The following RBM4 variants were observed in gnomAD, a reference collection of about 807,000 sequenced individuals.
RBM4 encodes RNA binding motif protein 4, also known as RNA-binding protein 4.
A neutral mutation model predicts 29.5 loss-of-function variants in RBM4; 7 were observed. The observed-to-expected ratio is 0.24, with a 90% CI of 0.14 to 0.45. The LOEUF (loss-of-function observed/expected upper bound fraction) is 0.45. RBM4 is among the 20% of genes least tolerant of loss of function. The pLI, the probability that RBM4 is intolerant of heterozygous loss-of-function variation, is 1.00. For missense variants in RBM4, 387 were observed against 502.3 expected, an observed-to-expected ratio of 0.77 and a Z score of 2.19; for synonymous variants, 220 against 205.4, an observed-to-expected ratio of 1.07 and a Z score of -0.61.
intron 2 of RBM4, among the ~76,000 whole-genome samples, chr11:66,655,545 G>T (rs950435696): frequency 1.3e-5 from 2 of 152,208 alleles, no homozygotes; most frequent in Admixed American, 1.3e-4. Flanking sequence ...CTCCCAAAGT[G>T]CTGGGATTAT....
chr11:66,665,735 AC>A, intron 2 of RBM4: 1 of 1,351,862 alleles, frequency 7.4e-7, no homozygotes, highest in Non-Finnish European at 1.0e-6. Flanking sequence ...CCATGTAATT[AC>A]CTAGGAGTCT....
rs879864658 is a variant in RBM4, at chr11:66,655,977, C to CT, written c.413-9868dup. 3.0e-4 allele frequency among the ~76,000 whole-genome samples: 43 copies of CT among 145,576 alleles called. No individual in the cohort carries two copies. The East Asian group carries it at 3.2e-3, about 11-fold the overall frequency. Reference sequence around the variant, plus strand: ...CAGGAAGAGACGGCCCTGAAGTATTCTTTTTTTTTTTAGATGGAGTTTTGC... The same window carrying CT: ...CAGGAAGAGACGGCCCTGAAGTATTCTTTTTTTTTTTTAGATGGAGTTTTGC... On this transcript the variant is annotated intron_variant, in intron 2 of 2. Transcript: ENST00000396053.
downstream of RBM4, among the ~76,000 whole-genome samples, chr11:66,648,976 C>T (rs1346588127): frequency 1.3e-5 from 2 of 150,338 alleles, no homozygotes; most frequent in African/African-American, 2.5e-5. Flanking sequence ...GATGCTTTTG[C>T]ATTTTCTCTT....
At chr11:66,662,906 A>G (rs1327907308) in intron 2 of RBM4, among the ~76,000 whole-genome samples, 1 of 152,190 alleles carries the variant, frequency 6.6e-6, no homozygotes. Context: ...TGACGCTAAC[A>G]TGAGCCTTAT....
rs868462377 is a variant in RBM4 at position 66,643,145 on chromosome 11, C to G, written c.413-305C>G. Among the ~76,000 whole-genome samples, 1 of 152,072 alleles carries G rather than the reference C, an allele frequency of 6.6e-6. No homozygotes were observed. Among genetic ancestry groups the G allele is most frequent in the Non-Finnish European group, 1.5e-5 (1 of 68,014 alleles). ...ACTTTGACTTCTTTTGACTTTGAGCCGCTGTTTGGAGATGATTTTTACCTG... is the reference window on the plus strand; with the variant it reads ...ACTTTGACTTCTTTTGACTTTGAGCGGCTGTTTGGAGATGATTTTTACCTG... On this transcript the variant is annotated intron_variant, in intron 2 of 3. Coordinates refer to ENST00000310092, the MANE Select transcript of RBM4 (RefSeq NM_002896.4). This position sits in a 1 kb window ranked among gnomAD's most constrained non-coding sequence, Gnocchi z 6.1.
chr11:66,642,171 C>T (rs866804234), intron 2 of RBM4, among the ~76,000 whole-genome samples: 2 of 152,154 alleles, frequency 1.3e-5, no homozygotes, highest in Non-Finnish European at 2.9e-5. Flanking sequence ...CCCCGTTTCC[C>T]TATTGTGTTT....
In RBM4 at chr11:66,664,325, T is replaced by G. The variant is rs187261968; in HGVS notation, c.413-1531T>G. Among the ~76,000 whole-genome samples the G allele has an allele frequency of 4.0e-3, 602 of 151,490 alleles. 5 individuals are homozygous for G. The highest frequency in any genetic ancestry group is 0.014 in the African/African-American group (579 of 41,226). ...CCACCACGCCTGGCTAATTTTTGTA[T>G]TTTTAGTAGGGACAGGGTTTCGCCA... On this transcript the variant is annotated intron_variant, in intron 2 of 2. Coordinates refer to the RBM4 transcript ENST00000396053.
At chr11:66,665,872 G>A (rs1472924118) in exon 3 of RBM4, 6 of 1,533,558 alleles carry the variant, frequency 3.9e-6, no homozygotes, top group Non-Finnish European at 5.2e-6. Context: ...TAACCCCTGT[G>A]ACAGAAGGCT....
At position 66,644,950 on chromosome 11, in the gene RBM4, A is replaced by G. The variant is rs886435359; in HGVS notation, c.*8+810A>G. Among the ~76,000 whole-genome samples, 3 of 150,330 alleles carry G rather than the reference A, an allele frequency of 2.0e-5. No individual in the cohort carries two copies. In the East Asian group the frequency reaches 5.8e-4, roughly 29 times the overall value. On this transcript the variant is annotated intron_variant, in intron 3 of 3. Transcript: ENST00000310092. ...GGGTTTTTTTTTTTTTTAAGTAACTATTCCCACAGTTCTAGTTTTGACATC... is the reference window on the plus strand; with the variant it reads ...GGGTTTTTTTTTTTTTTAAGTAACTGTTCCCACAGTTCTAGTTTTGACATC...
Position 66,665,645 on chromosome 11 carries a change from C to T in RBM4, c.413-211C>T, listed in dbSNP as rs903121015. The stretch of plus-strand genomic sequence containing the variant: ...AGAGCAGCCTGGCTCCGCGTACAAG[C>T]GCCCTGGGTCCTGTCCTGTATTCCG... On this transcript the variant is annotated intron_variant, in intron 2 of 2. Transcript: ENST00000396053. 1.2e-5 allele frequency: 18 copies of T among 1,534,546 alleles called. 1 individual carries two copies. In the East Asian group the frequency reaches 1.5e-4, roughly 13 times the overall value.
chr11:66,666,084 T>A lies in RBM4; in HGVS notation c.*119T>A, dbSNP rs1939222241. 24 of 942,022 alleles carry A rather than the reference T, an allele frequency of 2.5e-5. No homozygotes were observed. The East Asian group carries it at 6.4e-4, about 25-fold the overall frequency. 58.4% of individuals were successfully genotyped at this position (942,022 alleles called of 1,614,324 possible). A position where few individuals can be genotyped will look rare whatever the true frequency, so the allele number is the denominator to read the frequency against. The stretch of plus-strand genomic sequence containing the variant: ...AGGATATCAAGGAGCAGCCAGTCAT[T>A]CACCCAATTCCAACACACCTACATG... On this transcript the variant is annotated 3_prime_UTR_variant, in exon 3 of 3. Coordinates refer to the RBM4 transcript ENST00000396053.
In RBM4 at chr11:66,665,910, AC is replaced by A. The variant is rs1285873194; in HGVS notation, c.468del (p.Tyr156Ter). Reference sequence around the variant, plus strand: ...TGTTGCTGTAACAAAGGGCATACATACATTTTCAAGAACTGCAATTTAATTT... The same window carrying A: ...TGTTGCTGTAACAAAGGGCATACATAATTTTCAAGAACTGCAATTTAATTT... On this transcript the variant is annotated frameshift_variant, in exon 3 of 3. Coordinates refer to the RBM4 transcript ENST00000396053. LOFTEE classifies it low-confidence loss of function (END_TRUNC). 1.3e-6 allele frequency: 2 copies of A among 1,535,500 alleles called. No individual in the cohort carries two copies. The highest frequency in any genetic ancestry group is 2.4e-5 in the South Asian group (2 of 83,978).
At chr11:66,649,224 A>C (rs964301762), downstream of RBM4, among the ~76,000 whole-genome samples, 1 of 152,126 alleles carries the variant, frequency 6.6e-6, no homozygotes, top group African/African-American at 2.4e-5. Flanking sequence ...AGCTGGTCTC[A>C]AACTCCTGGA....
chr11:66,653,362 A>ATT (rs71045956), intron 2 of RBM4, among the ~76,000 whole-genome samples: 8,986 of 135,814 alleles, frequency 0.066, 411 homozygotes, highest in East Asian at 0.11. Context: ...CTACTTAATG[A>ATT]TTTTTTTTTT....
chr11:66,644,441 A>ATTGAACC (rs1433100020), intron 3 of RBM4: 2 of 274,092 alleles, frequency 7.3e-6, no homozygotes, highest in Admixed American at 9.8e-5. Context: ...CTATACTATA[A>ATTGAACC]TTGAACCTTA....
At chr11:66,660,656 T>C (rs986737125) in intron 2 of RBM4, among the ~76,000 whole-genome samples, 3 of 150,502 alleles carry the variant, frequency 2.0e-5, no homozygotes, top group African/African-American at 7.3e-5. Context: ...AAACTTTTTT[T>C]TTTTTTTTTT....
exon 3 of RBM4, chr11:66,666,128 A>G: frequency 1.3e-6 from 1 of 771,334 alleles, no homozygotes; most frequent in Non-Finnish European, 2.0e-6. Flanking sequence ...TCACAGAGTG[A>G]GAGCCACAGT....
chr11:66,664,825 G>A (rs1939167204), intron 2 of RBM4, among the ~76,000 whole-genome samples: 1 of 152,098 alleles, frequency 6.6e-6, no homozygotes, highest in Non-Finnish European at 1.5e-5. Flanking sequence ...TTGAACTTCA[G>A]TGGGCTTAAG....
chr11:66,666,243 TGGCTGGGG>T, exon 3 of RBM4: 1 of 1,007,586 alleles, frequency 9.9e-7, no homozygotes, highest in Non-Finnish European at 1.3e-6. Flanking sequence ...CAGACACCAA[TGGCTGGGG>T]GAAAAAAAAA....
Sources: gnomAD v4.1 joint callset for allele counts (sites outside exome capture counted in the v4.1 genomes callset) on GRCh38, gnomAD v4.1.1 for gene constraint, Gnocchi (gnomAD v3.1) non-coding constraint, MANE v1.5 for transcripts, NCBI Gene and HGNC (gene_info 2026-07-23, HGNC 2026-07-21) for gene names.